ZDHHC11: variants seen among roughly 807,000 people sequenced by gnomAD.
ZDHHC11 encodes palmitoyltransferase ZDHHC11.
ZDHHC11 carries 44 observed loss-of-function variants against 51.3 expected under a neutral mutation model. The ratio of observed to expected loss-of-function variants is 0.86; its 90% CI spans 0.67 to 1.10. ZDHHC11 has a LOEUF of 1.10. Among genes scored for constraint, ZDHHC11 ranks in the 50% least tolerant of loss-of-function variants. The pLI, the probability that ZDHHC11 is intolerant of heterozygous loss-of-function variation, is 0.00. For missense variants in ZDHHC11, 400 were observed against 537.7 expected, an observed-to-expected ratio of 0.74 and a Z score of 2.53; for synonymous variants, 163 against 222.0, an observed-to-expected ratio of 0.73 and a Z score of 2.36.
At chr5:810,710 A>G (rs1401797302) in intron 11 of ZDHHC11, among the ~76,000 whole-genome samples, 2 of 151,506 alleles carry the variant, frequency 1.3e-5, no homozygotes, top group African/African-American at 4.8e-5. Flanking sequence ...TGACAAAAAA[A>G]GGGTTAATGG....
chr5:840,688 G>A, intron 4 of ZDHHC11, 38 bp from the exon 5 acceptor site: 4 of 1,611,390 alleles, frequency 2.5e-6, no homozygotes, highest in Non-Finnish European at 3.4e-6. Context: ...TCCAGCACCT[G>A]CTGACGGGTG....
intron 1 of ZDHHC11, among the ~76,000 whole-genome samples, chr5:856,329 GCCACACA>G (rs1186745223): frequency 1.5e-5 from 2 of 136,822 alleles, no homozygotes; most frequent in East Asian, 2.2e-4. Flanking sequence ...TACACCACAC[GCCACACA>G]CCACACAATA....
chr5:816,225 G>C (rs1195980556), intron 10 of ZDHHC11: 1 of 227,718 alleles, frequency 4.4e-6, no homozygotes, highest in African/African-American at 2.3e-5. Flanking sequence ...ATTTTTAAAT[G>C]CTTAAAGTCA....
chr5:820,035 T>C (rs1346678214), intron 9 of ZDHHC11, among the ~76,000 whole-genome samples: 4 of 151,406 alleles, frequency 2.6e-5, no homozygotes, highest in Non-Finnish European at 1.5e-5. Context: ...CTGGAAATCC[T>C]TGCCATTCCC....
chr5:810,806 T>C (rs1245334042), intron 11 of ZDHHC11, among the ~76,000 whole-genome samples: 2 of 152,028 alleles, frequency 1.3e-5, no homozygotes, highest in African/African-American at 2.4e-5. Context: ...GGTTAGCTCA[T>C]TCTCCTGTGG....
chr5:796,622 G>A (rs1413802994), intron 12 of ZDHHC11, 42 bp from the exon 13 acceptor site: 2 of 151,374 alleles, frequency 1.3e-5, no homozygotes, highest in Admixed American at 6.6e-5. Context: ...AGCCACCAGG[G>A]AGGAAGCTCA....
intron 9 of ZDHHC11, among the ~76,000 whole-genome samples, chr5:819,998 G>A (rs1333940224): frequency 1.3e-5 from 2 of 151,256 alleles, no homozygotes; most frequent in African/African-American, 4.8e-5. Context: ...AGGGGTGTCA[G>A]GTGGGTCAGG....
upstream of ZDHHC11, among the ~76,000 whole-genome samples, chr5:852,183 C>T (rs987165087): frequency 2.0e-5 from 3 of 152,046 alleles, no homozygotes; most frequent in Non-Finnish European, 4.4e-5. Flanking sequence ...AAAGTGCCAA[C>T]AAACAGAAAT....
At chr5:814,341 G>T (rs144297180) in intron 11 of ZDHHC11, among the ~76,000 whole-genome samples, 527 of 148,396 alleles carry the variant, frequency 3.6e-3, no homozygotes, top group African/African-American at 0.013. Flanking sequence ...AGTTTGGAGG[G>T]TGAAAAAGTG....
At chr5:840,230 C>A (rs1157231605) in intron 5 of ZDHHC11, 1 of 713,424 alleles carries the variant, frequency 1.4e-6, no homozygotes, top group Admixed American at 2.0e-5. Context: ...TGGCACCACT[C>A]CTGCAGGTCT....
At chr5:814,604 C>T (rs1016508042) in intron 11 of ZDHHC11, among the ~76,000 whole-genome samples, 157 bp downstream of exon 11, 9 of 151,678 alleles carry the variant, frequency 5.9e-5, no homozygotes, top group South Asian at 2.1e-4. Flanking sequence ...CAATAAGCCA[C>T]ATGAATGGCT....
At position 802,874 on chromosome 5, in the gene ZDHHC11, A is replaced by G. The variant is rs10525448; in HGVS notation, c.1182-1710T>C. 3.4e-4 allele frequency among the ~76,000 whole-genome samples: 33 copies of G among 96,320 alleles called. No individual in the cohort carries two copies. In the East Asian group the frequency reaches 8.2e-3, roughly 24 times the overall value. The allele number at this position is 96,320 out of a possible 152,430, so 63.2% of individuals were successfully genotyped here. ...AAAAAAAAAAAAAAAAAAAAAAAAA[A>G]GCTAAATGTGGTGGTTAGTGCCTGT... On this transcript the variant is annotated intron_variant, in intron 11 of 12. Coordinates refer to ENST00000283441, the MANE Select transcript of ZDHHC11 (RefSeq NM_024786.3).
chr5:821,279 T>C (rs368194429), intron 9 of ZDHHC11: 4 of 151,568 alleles, frequency 2.6e-5, no homozygotes, highest in Admixed American at 6.6e-5. Context: ...TACGGCGACA[T>C]TGGAGCGACC....
At chr5:824,562 T>C (rs145275201) in intron 8 of ZDHHC11, among the ~76,000 whole-genome samples, 5 of 151,560 alleles carry the variant, frequency 3.3e-5, no homozygotes, top group Admixed American at 3.3e-4. Flanking sequence ...GGTCTTTTCC[T>C]GTGAAGGATG....
chr5:816,945 G>C, intron 10 of ZDHHC11: 1 of 335,582 alleles, frequency 3.0e-6, no homozygotes, highest in Non-Finnish European at 6.0e-6. Context: ...ATGGATGCAT[G>C]AGCCTGAAAT....
chr5:859,246 C>G (rs970119284), upstream of ZDHHC11, among the ~76,000 whole-genome samples: 3 of 152,144 alleles, frequency 2.0e-5, no homozygotes, highest in Admixed American at 6.5e-5. Flanking sequence ...GCCTCCCCCT[C>G]CCTGCCTTCC....
At position 850,163 on chromosome 5, in the gene ZDHHC11, GC is replaced by G; in HGVS notation, c.222+217del. On this transcript the variant is annotated intron_variant, in intron 1 of 12. Coordinates refer to ENST00000283441, the MANE Select transcript of ZDHHC11 (RefSeq NM_024786.3). ...CCTCCTGACAGATTCCCTCTCCGGA[GC>G]CCCCTCAGCCAACGCTGTCCTGTCC... 5.1e-6 allele frequency: 3 copies of G among 583,646 alleles called. No individual in the cohort carries two copies. The South Asian group carries it at 6.9e-5, about 14-fold the overall frequency. The allele number at this position is 583,646 out of a possible 1,614,324, so 36.2% of individuals were successfully genotyped here. A position where few individuals can be genotyped will look rare whatever the true frequency, so the allele number is the denominator to read the frequency against.
rs934100011 is a variant in ZDHHC11 at position 836,991 on chromosome 5, A to C, written c.900+374T>G. ...CAAACTGTTTGAACCCAGGAGGTGG[A>C]GGCTACAATGAGCTGAGATTTCACC... On this transcript the variant is annotated intron_variant, in intron 6 of 12. Transcript: ENST00000283441. Among the ~76,000 whole-genome samples, 797 of 151,520 alleles carry C rather than the reference A, an allele frequency of 5.3e-3. 18 individuals carry two copies. Among genetic ancestry groups the C allele is most frequent in the Non-Finnish European group, 7.4e-3 (503 of 67,638 alleles).
intron 11 of ZDHHC11, among the ~76,000 whole-genome samples, chr5:805,841 G>A (rs1164902240): frequency 6.6e-6 from 1 of 151,300 alleles, no homozygotes; most frequent in African/African-American, 2.4e-5. Flanking sequence ...TAATAGAGAA[G>A]CTCCCGGGCC....
Sources: gnomAD v4.1 joint callset for allele counts (sites outside exome capture counted in the v4.1 genomes callset) on GRCh38, gnomAD v4.1.1 for gene constraint, MANE v1.5 for transcripts, NCBI Gene and HGNC (gene_info 2026-07-23, HGNC 2026-07-21) for gene names.